PAX6: variants seen among roughly 807,000 people sequenced by gnomAD.
The protein encoded by PAX6 is paired box protein Pax-6.
PAX6 carries 7 observed loss-of-function variants against 60.7 expected under a neutral mutation model. The observed-to-expected ratio is 0.12, with a 90% CI of 0.07 to 0.22. The LOEUF is 0.22. Among genes scored for constraint, PAX6 ranks in the 10% least tolerant of loss-of-function variants. The probability of loss-of-function intolerance (pLI) is 1.00; values close to 1 mark genes in which losing one functional copy is unlikely to be tolerated. For synonymous variants in PAX6, 208 were observed against 201.2 expected (o/e 1.03, Z -0.29); for missense variants, 355 against 555.2 (o/e 0.64, Z 3.62).
At chr11:31,817,430 C>T (rs1247754669) in intron 1 of PAX6, among the ~76,000 whole-genome samples, 1 of 152,214 alleles carries the variant, frequency 6.6e-6, no homozygotes, top group Non-Finnish European at 1.5e-5. Flanking sequence ...TCGTGAACTG[C>T]GATGCAGAGG....
At chr11:31,811,526 G>A, upstream of PAX6, 1 of 274,462 alleles carries the variant, frequency 3.6e-6, no homozygotes, top group Non-Finnish European at 6.8e-6. Flanking sequence ...TCTGGCGCTC[G>A]CCTGCATCTC....
chr11:31,789,902 A>C lies in PAX6; in HGVS notation c.*32T>G. 2.7e-6 allele frequency: 4 copies of C among 1,500,830 alleles called. No homozygotes were observed. Among genetic ancestry groups the C allele is most frequent in the African/African-American group, 1.6e-5 (1 of 62,880 alleles). 93.0% of individuals were successfully genotyped at this position (1,500,830 alleles called of 1,614,324 possible). On this transcript the variant is annotated 3_prime_UTR_variant, in exon 14 of 14. Coordinates refer to ENST00000640368, the MANE Select transcript of PAX6 (RefSeq NM_001368894.2). ...TAGTCACTGACTGAATTAACACAAT[A>C]TTTCCTTTCCTTTTTTTTTTTTTTT...
chr11:31,801,644 G>T lies in PAX6; in HGVS notation c.316C>A (p.Arg106=). The change falls in exon 7 of 14, where the codon CGG becomes AGG. Residue 106 remains arginine, a synonymous_variant. Transcript: ENST00000640368. Reference sequence around the variant, plus strand: ...CAAGCAAAGATGGACGGGCACTCCCGCTTATACTGGGCTATTTTGCTTACA... The same window carrying T: ...CAAGCAAAGATGGACGGGCACTCCCTCTTATACTGGGCTATTTTGCTTACA... ...EVVSKIAQYK[R]ECPSIFAWEI... is the part of the protein sequence containing the mutation. 3.1e-6 allele frequency: 5 copies of T among 1,614,092 alleles called. No homozygotes were observed. Among genetic ancestry groups the T allele is most frequent in the Non-Finnish European group, 4.2e-6 (5 of 1,180,038 alleles).
At position 31,793,725 on chromosome 11, in the gene PAX6, T is replaced by C. The variant is rs1592415376; in HGVS notation, c.885A>G (p.Thr295=). ...TACTGCTGATAGGAATATGACTAGG[T>C]GTGTTGCTGGCCTGTCTTCTCTGAT... is the stretch of plus-strand genomic sequence containing the variant. ...LRNQRRQASN[T]PSHIPISSSF... is the part of the protein sequence containing the mutation. Residue 295 remains threonine, a synonymous_variant, in exon 11 of 14, where the codon ACA becomes ACG. Coordinates refer to ENST00000640368, the MANE Select transcript of PAX6 (RefSeq NM_001368894.2). The C allele has an allele frequency of 6.2e-7, 1 of 1,614,104 alleles. No individual in the cohort carries two copies. The highest frequency in any genetic ancestry group is 8.5e-7 in the Non-Finnish European group (1 of 1,179,954).
chr11:31,798,454 G>A (rs1276924269), intron 8 of PAX6, among the ~76,000 whole-genome samples: 2 of 152,222 alleles, frequency 1.3e-5, no homozygotes, highest in Admixed American at 1.3e-4. Flanking sequence ...TCCTGGGCTG[G>A]GAAAGGGGGC....
chr11:31,790,642 T>C, intron 13 of PAX6, 68 bp downstream of exon 13: 1 of 1,605,058 alleles, frequency 6.2e-7, no homozygotes, highest in Non-Finnish European at 8.5e-7. Context: ...GACCAGGAGA[T>C]TCTGTTTGGG....
chr11:31,798,735 G>T (rs1331854859), intron 8 of PAX6, among the ~76,000 whole-genome samples: 4 of 152,228 alleles, frequency 2.6e-5, no homozygotes, highest in African/African-American at 9.6e-5. Context: ...AAAAGCCCCT[G>T]GACTAGCTCC....
At chr11:31,804,712 C>T (rs944701421) in intron 4 of PAX6, 4 of 152,306 alleles carry the variant, frequency 2.6e-5, no homozygotes, top group Non-Finnish European at 5.9e-5. Flanking sequence ...AAAGGCTGTC[C>T]CAGAAAGAGA....
At chr11:31,793,890 A>G in intron 10 of PAX6, 88 bp from the exon 11 acceptor site, 2 of 1,484,924 alleles carry the variant, frequency 1.3e-6, no homozygotes, top group Non-Finnish European at 1.9e-6. Context: ...CCCCACGCCC[A>G]TGGCAGCAGA....
intron 4 of PAX6, chr11:31,803,761 A>T (rs1490098580): frequency 6.6e-6 from 1 of 152,648 alleles, no homozygotes; most frequent in Non-Finnish European, 1.5e-5. Context: ...AAAAGAAAAA[A>T]CAGAAAAGAA....
chr11:31,806,450 C>A lies in PAX6; in HGVS notation c.-39G>T, dbSNP rs370232963. ...GGGGGCCGCGGGATTCCACGGGGCT[C>A]GAATATGGGGCTCTGTTAGCAAGAA... is the stretch of plus-strand genomic sequence containing the variant. On this transcript the variant is annotated 5_prime_UTR_variant, in exon 4 of 14. Transcript: ENST00000640368. The A allele has an allele frequency of 1.9e-6, 3 of 1,603,454 alleles. No homozygotes were observed. Among genetic ancestry groups the A allele is most frequent in the African/African-American group, 1.3e-5 (1 of 74,808 alleles).
chr11:31,801,298 C>A (rs1177251782), intron 7 of PAX6: 1 of 1,412,160 alleles, frequency 7.1e-7, no homozygotes, highest in African/African-American at 1.4e-5. Context: ...CTTCTTCATT[C>A]AAGTGCCTTT....
At chr11:31,793,214 A>G (rs1950425461) in intron 12 of PAX6, 1 of 688,650 alleles carries the variant, frequency 1.5e-6, no homozygotes, top group African/African-American at 1.8e-5. Context: ...CAACCTGACA[A>G]AACTGGACAG....
At chr11:31,801,167 C>T in intron 7 of PAX6, 1 of 1,155,408 alleles carries the variant, frequency 8.7e-7, no homozygotes, top group Non-Finnish European at 1.2e-6. Flanking sequence ...ACTATTTAGA[C>T]TTGTTGTAAA....
At position 31,810,972 on chromosome 11, in the gene PAX6, C is replaced by T; in HGVS notation, c.-273G>A. 2.5e-6 allele frequency: 1 copy of T among 399,192 alleles called. No individual in the cohort carries two copies. 24.7% of individuals were successfully genotyped at this position (399,192 alleles called of 1,614,324 possible). ...AGGAGTTGCTGGTGAGAGTTTTCTC[C>T]ACGGATGTTGCTGGGTTGGTGTGTG... is the stretch of plus-strand genomic sequence containing the variant. On this transcript the variant is annotated 5_prime_UTR_variant, in exon 2 of 14. Transcript: ENST00000640368.
chr11:31,811,501 C>G (rs577295938), upstream of PAX6: 3 of 303,738 alleles, frequency 9.9e-6, no homozygotes, highest in East Asian at 1.5e-4. Context: ...CGGCGCAGGG[C>G]CCCCGAGCCC....
chr11:31,794,579 T>C (rs1303909317), intron 9 of PAX6, 51 bp downstream of exon 9: 2 of 1,582,264 alleles, frequency 1.3e-6, no homozygotes, highest in Admixed American at 3.3e-5. Flanking sequence ...GTACTGAAGA[T>C]GTGGCATTTA....
intron 8 of PAX6, among the ~76,000 whole-genome samples, chr11:31,797,068 C>G (rs1951817168): frequency 6.6e-6 from 1 of 152,098 alleles, no homozygotes; most frequent in African/African-American, 2.4e-5. Context: ...GGAAATAGCT[C>G]CTTTTGGCCA....
upstream of PAX6, among the ~76,000 whole-genome samples, chr11:31,815,659 C>A (rs1217843032): frequency 6.6e-6 from 1 of 151,490 alleles, no homozygotes; most frequent in Non-Finnish European, 1.5e-5. Context: ...GTTAATCTGC[C>A]TGTTAATCAA....
Sources: allele counts gnomAD v4.1 joint callset (sites outside exome capture counted in the v4.1 genomes callset), GRCh38; gene constraint gnomAD v4.1.1; transcripts MANE v1.5; gene names NCBI Gene and HGNC (gene_info 2026-07-23, HGNC 2026-07-21).